RBMS3: variants seen among roughly 807,000 people sequenced by gnomAD.
RBMS3 encodes RNA binding motif single stranded interacting protein 3.
Under a neutral mutation model 66.8 loss-of-function variants are expected in RBMS3, and 27 were observed. The observed-to-expected ratio is 0.40, with a 90% CI of 0.30 to 0.56. The LOEUF (loss-of-function observed/expected upper bound fraction) is 0.56. Among genes scored for constraint, RBMS3 ranks in the 20% least tolerant of loss-of-function variants. The probability of loss-of-function intolerance (pLI) is 0.40; values close to 1 mark genes in which losing one functional copy is unlikely to be tolerated. For missense variants in RBMS3, 513 were observed against 549.5 expected (o/e 0.93, Z 0.66); for synonymous variants, 188 against 183.0 (o/e 1.03, Z -0.22).
At position 29,509,415 on chromosome 3, in the gene RBMS3, G is replaced by C. The variant is rs955891297; in HGVS notation, c.307+20916G>C. Among the ~76,000 whole-genome samples the C allele has an allele frequency of 3.9e-5, 6 of 152,262 alleles. 1 individual carries two copies. The highest frequency in any genetic ancestry group is 6.8e-3 in the Middle Eastern group (2 of 294). ...ATTATTCTAAGAGTTTTACATATAT[G>C]ATAGCAGTTTTTTCAAATTGATATA... On this transcript the variant is annotated intron_variant, in intron 3 of 14. Coordinates refer to ENST00000383767, the MANE Select transcript of RBMS3 (RefSeq NM_001003793.3).
chr3:29,487,404 A>G (rs1034334007), intron 2 of RBMS3, among the ~76,000 whole-genome samples: 2 of 152,208 alleles, frequency 1.3e-5, no homozygotes, highest in African/African-American at 4.8e-5. Context: ...AACATTTAAA[A>G]CTAACGATGT....
rs1553600813 is a variant in RBMS3, at chr3:29,420,560, GTTTTT to G, written c.76-14178_76-14174del. 3.7e-3 allele frequency among the ~76,000 whole-genome samples: 454 copies of G among 123,344 alleles called. 4 individuals carry two copies. The highest frequency in any genetic ancestry group is 0.01 in the African/African-American group (357 of 35,034). The allele number at this position is 123,344 out of a possible 152,430, so 80.9% of individuals were successfully genotyped here. On this transcript the variant is annotated intron_variant, in intron 1 of 14. Coordinates refer to ENST00000383767, the MANE Select transcript of RBMS3 (RefSeq NM_001003793.3). ...AAAAATCAGTGGTGTACTTAGGTTT[GTTTTT>G]TTTTGTTTTGTTTTGTTTTGTTTTT...
Position 29,777,691 on chromosome 3 carries a change from T to C in RBMS3, c.637+14702T>C, listed in dbSNP as rs56368420. ...TCTATTGCTACTTTCTCCAGATTAA[T>C]TTTTTTAAAGAGTATTGACCTATGG... On this transcript the variant is annotated intron_variant, in intron 6 of 14. Transcript: ENST00000383767. Among the ~76,000 whole-genome samples, 950 of 151,860 alleles carry C rather than the reference T, an allele frequency of 6.3e-3. 13 individuals carry two copies. Among genetic ancestry groups the C allele is most frequent in the South Asian group, 0.028 (137 of 4,826 alleles).
intron 12 of RBMS3, among the ~76,000 whole-genome samples, chr3:29,951,006 T>C (rs1480814951): frequency 1.3e-5 from 2 of 151,890 alleles, no homozygotes; most frequent in Non-Finnish European, 2.9e-5. Context: ...TTAGATGGAG[T>C]ACATTGCAAA....
chr3:29,907,556 A>AT (rs2060411210), intron 10 of RBMS3, among the ~76,000 whole-genome samples: 1 of 151,952 alleles, frequency 6.6e-6, no homozygotes, highest in African/African-American at 2.4e-5. Flanking sequence ...AATTTTTAAT[A>AT]TTTTCCTAAG....
At chr3:29,344,230 C>A (rs1052005131) in intron 1 of RBMS3, among the ~76,000 whole-genome samples, 1 of 152,130 alleles carries the variant, frequency 6.6e-6, no homozygotes. Flanking sequence ...TTTCATATCA[C>A]TTTTATTCAT....
chr3:29,617,750 T>C (rs1378436276), intron 4 of RBMS3, among the ~76,000 whole-genome samples: 3 of 152,210 alleles, frequency 2.0e-5, no homozygotes, highest in African/African-American at 7.2e-5. Context: ...TCTGGTGAAC[T>C]CTAAACTCTT....
intron 12 of RBMS3, among the ~76,000 whole-genome samples, chr3:29,952,249 T>C (rs1695731151): frequency 1.3e-5 from 2 of 151,880 alleles, no homozygotes; most frequent in Admixed American, 1.3e-4. Flanking sequence ...TATCTCTATA[T>C]AGAATTGGCA....
chr3:29,767,071 G>A (rs767755359), intron 6 of RBMS3: 8 of 151,910 alleles, frequency 5.3e-5, no homozygotes, highest in Non-Finnish European at 8.8e-5. Context: ...CAGCAATGTT[G>A]TATAGCCCCA....
chr3:29,399,118 C>T (rs1267013107), intron 1 of RBMS3, among the ~76,000 whole-genome samples: 1 of 152,068 alleles, frequency 6.6e-6, no homozygotes, highest in Non-Finnish European at 1.5e-5. Context: ...CCTTTCTTGC[C>T]TCTAAAAGTT....
chr3:29,497,643 C>A (rs1321357920), intron 3 of RBMS3, among the ~76,000 whole-genome samples: 1 of 152,156 alleles, frequency 6.6e-6, no homozygotes, highest in Non-Finnish European at 1.5e-5. Context: ...AAAACCACTT[C>A]CTTTGGGCAC....
At chr3:29,838,428 A>C (rs75839249) in intron 6 of RBMS3, among the ~76,000 whole-genome samples, 1 of 152,158 alleles carries the variant, frequency 6.6e-6, no homozygotes, top group African/African-American at 2.4e-5. Context: ...TGATGAGAAC[A>C]CTTGTCTTAA....
At chr3:29,720,065 G>T (rs187235564) in intron 4 of RBMS3, among the ~76,000 whole-genome samples, 1 of 151,834 alleles carries the variant, frequency 6.6e-6, no homozygotes, top group Non-Finnish European at 1.5e-5. Flanking sequence ...ATGTGATCTG[G>T]CCCCTGCCTA....
intron 4 of RBMS3, among the ~76,000 whole-genome samples, chr3:29,708,936 C>T (rs548016995): frequency 1.3e-5 from 2 of 152,154 alleles, no homozygotes; most frequent in Non-Finnish European, 2.9e-5. Context: ...AAGGTCACGC[C>T]TTCCATGGGG....
intron 1 of RBMS3, among the ~76,000 whole-genome samples, chr3:29,428,475 A>C (rs560823469): frequency 6.6e-6 from 1 of 152,250 alleles, no homozygotes; most frequent in African/African-American, 2.4e-5. Flanking sequence ...AGTGTTCATC[A>C]AATATAGTTT....
chr3:29,640,074 A>G (rs1473003569), intron 4 of RBMS3, among the ~76,000 whole-genome samples: 5 of 151,862 alleles, frequency 3.3e-5, no homozygotes, highest in African/African-American at 9.7e-5. Flanking sequence ...CTATGTCACT[A>G]TATTCTACCT....
At chr3:29,323,691 TACACACAC>T (rs10565045) in intron 1 of RBMS3, among the ~76,000 whole-genome samples, 14,612 of 144,296 alleles carry the variant, frequency 0.1, 841 homozygotes, top group South Asian at 0.15. Context: ...CACACACACA[TACACACAC>T]ACACACACAC....
At chr3:29,686,597 G>T (rs891004231) in intron 4 of RBMS3, among the ~76,000 whole-genome samples, 8 of 152,074 alleles carry the variant, frequency 5.3e-5, no homozygotes, top group Non-Finnish European at 1.0e-4. Context: ...AAGCCAGAGG[G>T]TTGCTTGAGT....
Position 29,602,078 on chromosome 3 carries a change from T to A in RBMS3, c.399+14873T>A, listed in dbSNP as rs188578136. On this transcript the variant is annotated intron_variant, in intron 4 of 14. Transcript: ENST00000383767. Reference sequence around the variant, plus strand: ...TGTGTGGGAGTTTCCTGGTGATTAGTTCTGTTTCATACTCCTCTTGCTGCG... The same window carrying A: ...TGTGTGGGAGTTTCCTGGTGATTAGATCTGTTTCATACTCCTCTTGCTGCG... Among the ~76,000 whole-genome samples the A allele has an allele frequency of 6.2e-4, 94 of 152,120 alleles. 1 individual carries two copies. Among genetic ancestry groups the A allele is most frequent in the Non-Finnish European group, 1.2e-3 (81 of 67,958 alleles).
Sources: allele counts gnomAD v4.1 joint callset (sites outside exome capture counted in the v4.1 genomes callset), GRCh38; gene constraint gnomAD v4.1.1; transcripts MANE v1.5; gene names NCBI Gene and HGNC (gene_info 2026-07-23, HGNC 2026-07-21).